CACNA2D4: variants seen among roughly 807,000 people sequenced by gnomAD.
CACNA2D4 encodes calcium voltage-gated channel auxiliary subunit alpha2delta 4, also known as voltage-dependent calcium channel subunit alpha-2/delta-4.
In CACNA2D4, 157 loss-of-function variants were observed where a neutral mutation model predicts 163.8. That is an observed-to-expected ratio of 0.96 (90% CI 0.84 to 1.09). CACNA2D4 has a LOEUF of 1.09. CACNA2D4 is among the 50% of genes least tolerant of loss of function. The pLI, the probability that CACNA2D4 is intolerant of heterozygous loss-of-function variation, is 0.00. For synonymous variants in CACNA2D4, 598 were observed against 586.9 expected (o/e 1.02, Z -0.27); for missense variants, 1,410 against 1,479.9 (o/e 0.95, Z 0.78).
intron 35 of CACNA2D4, among the ~76,000 whole-genome samples, chr12:1,797,041 G>T (rs7979395): frequency 0.18 from 26,993 of 152,154 alleles, 2,468 homozygotes; most frequent in East Asian, 0.23. Flanking sequence ...CACTGGCACC[G>T]CCCTGGGCAC....
At chr12:1,796,894 C>A (rs1863145120) in intron 35 of CACNA2D4, among the ~76,000 whole-genome samples, 1 of 152,218 alleles carries the variant, frequency 6.6e-6, no homozygotes, top group Non-Finnish European at 1.5e-5. Context: ...TTATAACTAG[C>A]GGCTTCCACA....
intron 6 of CACNA2D4, among the ~76,000 whole-genome samples, chr12:1,900,787 C>T (rs1866518762): frequency 6.6e-6 from 1 of 152,128 alleles, no homozygotes; most frequent in Admixed American, 6.5e-5. Flanking sequence ...CAGCATTGGA[C>T]AAATCATCCA....
chr12:1,883,485 C>G lies in CACNA2D4; in HGVS notation c.1352-485G>C, dbSNP rs1866055050. On this transcript the variant is annotated intron_variant, in intron 12 of 37. Coordinates refer to ENST00000382722, the MANE Select transcript of CACNA2D4 (RefSeq NM_172364.5). The surrounding 1 kb of genome is among the most constrained non-coding windows in gnomAD (Gnocchi z 4.5). ...TGTGGGGTGGGTGTTACAGCCTATT[C>G]CCTGGAACCATGGTGACACTCCAAA... is the stretch of plus-strand genomic sequence containing the variant. Among the ~76,000 whole-genome samples, 1 of 152,182 alleles carries G rather than the reference C, an allele frequency of 6.6e-6. No homozygotes were observed. The highest frequency in any genetic ancestry group is 2.4e-5 in the African/African-American group (1 of 41,446).
At position 1,828,023 on chromosome 12, in the gene CACNA2D4, G is replaced by A. The variant is rs1488236750; in HGVS notation, c.2551+12716C>T. The stretch of plus-strand genomic sequence containing the variant: ...CCCGGGCCCTCTCCCTAACCCCTGG[G>A]CTGGAACGGGGCTCCCGCGCCTGCC... On this transcript the variant is annotated intron_variant, in intron 26 of 37. Coordinates refer to ENST00000382722, the MANE Select transcript of CACNA2D4 (RefSeq NM_172364.5). This position sits in a 1 kb window ranked among gnomAD's most constrained non-coding sequence, Gnocchi z 4.2. The A allele has an allele frequency of 3.8e-6, 3 of 796,278 alleles. No individual in the cohort carries two copies. Among genetic ancestry groups the A allele is most frequent in the Non-Finnish European group, 5.5e-6 (3 of 541,062 alleles). The allele number at this position is 796,278 out of a possible 1,614,324, so 49.3% of individuals were successfully genotyped here. A position where few individuals can be genotyped will look rare whatever the true frequency, so the allele number is the denominator to read the frequency against.
chr12:1,836,998 C>A (rs1864885272), intron 26 of CACNA2D4, among the ~76,000 whole-genome samples: 1 of 152,228 alleles, frequency 6.6e-6, no homozygotes, highest in Non-Finnish European at 1.5e-5. Context: ...CCTGGCAGAT[C>A]CAGGATGGTA....
intron 18 of CACNA2D4, among the ~76,000 whole-genome samples, chr12:1,872,052 C>A (rs1370664774): frequency 6.6e-6 from 1 of 152,196 alleles, no homozygotes. Flanking sequence ...CAATTTGGGA[C>A]AAAACCCCTG....
intron 20 of CACNA2D4, among the ~76,000 whole-genome samples, chr12:1,857,643 C>T (rs980271516): frequency 5.3e-5 from 8 of 152,200 alleles, no homozygotes; most frequent in Non-Finnish European, 1.2e-4. Flanking sequence ...TTGTGGTCTC[C>T]TAAGGTGATT....
intron 6 of CACNA2D4, among the ~76,000 whole-genome samples, chr12:1,897,099 G>A (rs1447392215): frequency 6.6e-6 from 1 of 152,168 alleles, no homozygotes; most frequent in Non-Finnish European, 1.5e-5. Context: ...GAAGGCTGAG[G>A]CAGGAGGATC....
In CACNA2D4 at chr12:1,834,530, A is replaced by G; in HGVS notation, c.2551+6209T>C. The G allele has an allele frequency of 6.2e-7, 1 of 1,605,268 alleles. No individual in the cohort carries two copies. Among genetic ancestry groups the G allele is most frequent in the South Asian group, 1.1e-5 (1 of 91,078 alleles). On this transcript the variant is annotated intron_variant, in intron 26 of 37. Transcript: ENST00000382722. This position sits in a 1 kb window ranked among gnomAD's most constrained non-coding sequence, Gnocchi z 7.6. ...CCGGCCGGCGAGCGTGAGGCGAGCC[A>G]TGGGCACGGTGATCATTGCAGGGGT... is the stretch of plus-strand genomic sequence containing the variant.
chr12:1,814,028 A>G (rs1043213746), intron 26 of CACNA2D4, among the ~76,000 whole-genome samples: 1 of 152,198 alleles, frequency 6.6e-6, no homozygotes, highest in African/African-American at 2.4e-5. Context: ...AGGCTAAATG[A>G]AAGAGGATCA....
intron 6 of CACNA2D4, among the ~76,000 whole-genome samples, chr12:1,899,503 G>C (rs145582472): frequency 7.9e-5 from 12 of 152,210 alleles, no homozygotes; most frequent in African/African-American, 2.9e-4. Flanking sequence ...ATGATAATAA[G>C]AGAATAATAG....
At chr12:1,801,957 G>A (rs191378574) in intron 29 of CACNA2D4, among the ~76,000 whole-genome samples, 2 of 151,904 alleles carry the variant, frequency 1.3e-5, no homozygotes, top group African/African-American at 4.8e-5. Flanking sequence ...ACAATTCTGT[G>A]TGAATCACTT....
intron 25 of CACNA2D4, among the ~76,000 whole-genome samples, chr12:1,842,797 G>C (rs1319807001): frequency 6.6e-6 from 1 of 152,156 alleles, no homozygotes; most frequent in East Asian, 1.9e-4. Flanking sequence ...TGCTATCGAG[G>C]GTGTGGCCAC....
intron 18 of CACNA2D4, among the ~76,000 whole-genome samples, chr12:1,865,600 C>G (rs1240079701): frequency 6.6e-6 from 1 of 152,386 alleles, no homozygotes; most frequent in Middle Eastern, 3.4e-3. Flanking sequence ...ATTACGCAGG[C>G]TGTCCCGTTG....
chr12:1,914,695 G>A (rs1228631828), intron 2 of CACNA2D4, among the ~76,000 whole-genome samples, 159 bp downstream of exon 2: 2 of 152,202 alleles, frequency 1.3e-5, no homozygotes, highest in Non-Finnish European at 2.9e-5. Flanking sequence ...TGCTTTGGGA[G>A]TTGAGAAAAT....
Position 1,844,335 on chromosome 12 carries a change from C to T in CACNA2D4, c.2470+67G>A. The T allele has an allele frequency of 1.9e-6, 3 of 1,570,314 alleles. No homozygotes were observed. The highest frequency in any genetic ancestry group is 2.6e-6 in the Non-Finnish European group (3 of 1,150,296). On this transcript the variant is annotated intron_variant, in intron 25 of 37. Transcript: ENST00000382722. This position sits in a 1 kb window ranked among gnomAD's most constrained non-coding sequence, Gnocchi z 4.2. Reference sequence around the variant, plus strand: ...TCGTTCCCATTTCCCACTAAGAGCACAGCAGGAGGAGAGATGAGACTGGCC... The same window carrying T: ...TCGTTCCCATTTCCCACTAAGAGCATAGCAGGAGGAGAGATGAGACTGGCC...
intron 29 of CACNA2D4, among the ~76,000 whole-genome samples, chr12:1,804,657 T>C (rs1863459802): frequency 2.0e-5 from 3 of 152,350 alleles, no homozygotes; most frequent in South Asian, 4.1e-4. Context: ...CAGTAGCCCT[T>C]GCGGCAGGGA....
In CACNA2D4 at chr12:1,874,533, C is replaced by T. The variant is rs904081548; in HGVS notation, c.1878+71G>A. The T allele has an allele frequency of 1.7e-5, 18 of 1,055,694 alleles. No individual in the cohort carries two copies. Among genetic ancestry groups the T allele is most frequent in the Non-Finnish European group, 2.7e-5 (18 of 678,958 alleles). The allele number at this position is 1,055,694 out of a possible 1,614,324, so 65.4% of individuals were successfully genotyped here. ...ATAATTAGGCTAAGTCCAGGTCCCT[C>T]GTCACTACTCCAAACCCAATTAATG... On this transcript the variant is annotated intron_variant, in intron 18 of 37. Coordinates refer to ENST00000382722, the MANE Select transcript of CACNA2D4 (RefSeq NM_172364.5). The surrounding 1 kb of genome is among the most constrained non-coding windows in gnomAD (Gnocchi z 4.4).
intron 18 of CACNA2D4, among the ~76,000 whole-genome samples, chr12:1,871,680 C>T (rs942203263): frequency 6.6e-6 from 1 of 151,276 alleles, no homozygotes; most frequent in Non-Finnish European, 1.5e-5. Flanking sequence ...TATGTGTGTA[C>T]ACATGTGCTG....
Sources: gnomAD v4.1 joint callset for allele counts (sites outside exome capture counted in the v4.1 genomes callset) on GRCh38, gnomAD v4.1.1 for gene constraint, Gnocchi (gnomAD v3.1) non-coding constraint, MANE v1.5 for transcripts, NCBI Gene and HGNC (gene_info 2026-07-23, HGNC 2026-07-21) for gene names.